ARHGAP15: variants seen among roughly 807,000 people sequenced by gnomAD.
ARHGAP15 encodes the protein rho GTPase-activating protein 15.
ARHGAP15 carries 51 observed loss-of-function variants against 63.7 expected under a neutral mutation model. That is an observed-to-expected ratio of 0.80 (90% CI 0.64 to 1.01). ARHGAP15 has a LOEUF of 1.01. Ranked by LOEUF, ARHGAP15 falls within the 50% of genes least tolerant of loss-of-function variation. ARHGAP15 has a pLI of 0.00. For missense variants in ARHGAP15, 560 were observed against 564.6 expected, an observed-to-expected ratio of 0.99 and a Z score of 0.08; for synonymous variants, 191 against 193.8, an observed-to-expected ratio of 0.99 and a Z score of 0.12.
chr2:143,171,160 T>C (rs1265458498), intron 2 of ARHGAP15, among the ~76,000 whole-genome samples: 5 of 152,156 alleles, frequency 3.3e-5, no homozygotes, highest in Non-Finnish European at 7.4e-5. Context: ...AGTTCAGCTA[T>C]GCTTCACCTC....
intron 9 of ARHGAP15, among the ~76,000 whole-genome samples, chr2:143,504,343 A>G (rs1237542868): frequency 6.6e-6 from 1 of 152,232 alleles, no homozygotes; most frequent in South Asian, 2.1e-4. Context: ...ACAAAGATGT[A>G]TAAGTTGTGA....
At chr2:143,380,345 C>T (rs995205935) in intron 6 of ARHGAP15, among the ~76,000 whole-genome samples, 7 of 152,078 alleles carry the variant, frequency 4.6e-5, no homozygotes, top group African/African-American at 1.4e-4. Context: ...TGCCTGGGTG[C>T]TTTGCATGCA....
At chr2:143,517,227 G>A (rs1275398809) in intron 9 of ARHGAP15, among the ~76,000 whole-genome samples, 1 of 152,128 alleles carries the variant, frequency 6.6e-6, no homozygotes, top group Non-Finnish European at 1.5e-5. Flanking sequence ...GATTACAGGT[G>A]TGAGTCACCA....
At chr2:143,690,517 A>T (rs906497430) in intron 12 of ARHGAP15, among the ~76,000 whole-genome samples, 1 of 152,122 alleles carries the variant, frequency 6.6e-6, no homozygotes, top group Non-Finnish European at 1.5e-5. Flanking sequence ...GGGAATGTTT[A>T]TTTTTAGTCC....
At chr2:143,616,044 A>G (rs1408082747) in intron 11 of ARHGAP15, among the ~76,000 whole-genome samples, 1 of 152,172 alleles carries the variant, frequency 6.6e-6, no homozygotes, top group Non-Finnish European at 1.5e-5. Flanking sequence ...ACTGAAAGAA[A>G]AAAGTCTGTT....
At chr2:143,703,305 A>AG in intron 12 of ARHGAP15, 114 bp from the exon 13 acceptor site, 1 of 659,184 alleles carries the variant, frequency 1.5e-6, no homozygotes, top group Non-Finnish European at 2.6e-6. Flanking sequence ...ACTACTGACT[A>AG]GGACTCTTAG....
chr2:143,660,527 G>T (rs914484793), intron 12 of ARHGAP15, among the ~76,000 whole-genome samples: 2 of 152,144 alleles, frequency 1.3e-5, no homozygotes, highest in Non-Finnish European at 2.9e-5. Context: ...GTAAGAATAA[G>T]AATGAACCCT....
intron 10 of ARHGAP15, among the ~76,000 whole-genome samples, chr2:143,536,405 G>C (rs1233881411): frequency 6.6e-6 from 1 of 151,776 alleles, no homozygotes; most frequent in Non-Finnish European, 1.5e-5. Context: ...TAAGTTTTAG[G>C]GTACATGTGC....
chr2:143,446,134 T>G (rs549225596), intron 8 of ARHGAP15, among the ~76,000 whole-genome samples: 2 of 148,920 alleles, frequency 1.3e-5, no homozygotes, highest in African/African-American at 4.9e-5. Context: ...AGTTTCCAGA[T>G]AAATATAATA....
intron 8 of ARHGAP15, among the ~76,000 whole-genome samples, chr2:143,454,308 A>G (rs563424462): frequency 1.7e-4 from 26 of 152,184 alleles, no homozygotes; most frequent in African/African-American, 6.3e-4. Flanking sequence ...TTAGGGGTGA[A>G]TCATACAGAT....
At chr2:143,519,572 G>A in intron 10 of ARHGAP15, 1 of 374,260 alleles carries the variant, frequency 2.7e-6, no homozygotes, top group Non-Finnish European at 5.0e-6. Flanking sequence ...GTTCTTTTTT[G>A]TTTTTAATAT....
At chr2:143,729,348 A>G (rs1685428736) in intron 13 of ARHGAP15, among the ~76,000 whole-genome samples, 1 of 152,168 alleles carries the variant, frequency 6.6e-6, no homozygotes, top group Non-Finnish European at 1.5e-5. Context: ...ACTGGTCATT[A>G]TTTCCTGGGT....
intron 8 of ARHGAP15, among the ~76,000 whole-genome samples, chr2:143,470,395 C>T (rs536075468): frequency 6.6e-6 from 1 of 151,280 alleles, no homozygotes; most frequent in South Asian, 2.1e-4. Context: ...TCATCAGTTC[C>T]CTTCTTCATA....
At chr2:143,658,853 T>C (rs1301014470) in intron 12 of ARHGAP15, among the ~76,000 whole-genome samples, 1 of 152,218 alleles carries the variant, frequency 6.6e-6, no homozygotes, top group Non-Finnish European at 1.5e-5. Flanking sequence ...TTAATATAGC[T>C]AGGAAATTTC....
chr2:143,195,073 C>A (rs1691837335), intron 2 of ARHGAP15, among the ~76,000 whole-genome samples: 1 of 152,052 alleles, frequency 6.6e-6, no homozygotes, highest in Non-Finnish European at 1.5e-5. Context: ...TTTTAAAAAT[C>A]TGATAAACTT....
At chr2:143,703,696 G>A (rs1027554626) in intron 13 of ARHGAP15, 172 bp downstream of exon 13, 2 of 514,242 alleles carry the variant, frequency 3.9e-6, no homozygotes, top group Non-Finnish European at 6.7e-6. Context: ...GGATAGGAAG[G>A]ACAATCTACA....
chr2:143,140,269 A>G (rs1487431998), intron 1 of ARHGAP15, among the ~76,000 whole-genome samples: 1 of 152,134 alleles, frequency 6.6e-6, no homozygotes, highest in African/African-American at 2.4e-5. Context: ...AAGAAGAGAT[A>G]ACTCTTTTCT....
intron 12 of ARHGAP15, among the ~76,000 whole-genome samples, chr2:143,675,209 T>C (rs2105358333): frequency 6.6e-6 from 1 of 152,320 alleles, no homozygotes; most frequent in East Asian, 1.9e-4. Context: ...TTTGAGCAAA[T>C]TAGTCATTTA....
intron 6 of ARHGAP15, among the ~76,000 whole-genome samples, chr2:143,251,294 C>T (rs1340157084): frequency 6.6e-6 from 1 of 151,756 alleles, no homozygotes; most frequent in African/African-American, 2.4e-5. Context: ...TTTTATATTT[C>T]CAAAGTAACC....
Sources: gnomAD v4.1 joint callset for allele counts (sites outside exome capture counted in the v4.1 genomes callset) on GRCh38, gnomAD v4.1.1 for gene constraint, MANE v1.5 for transcripts, NCBI Gene and HGNC (gene_info 2026-07-23, HGNC 2026-07-21) for gene names.